Variants in QTMAN observed in about 807,000 individuals in gnomAD.
QTMAN encodes queuosine-tRNA mannosyltransferase, also known as tRNA-queuosine alpha-mannosyltransferase.
chr2:144,120,452 T>C, the QTMAN span, among the ~76,000 whole-genome samples: 2 of 152,210 alleles, frequency 1.3e-5, no homozygotes, highest in African/African-American at 4.8e-5. Flanking sequence ...ATCTAGAGGT[T>C]AATTCCTCAT....
At chr2:144,234,680 A>G in the QTMAN span, among the ~76,000 whole-genome samples, 1 of 152,192 alleles carries the variant, frequency 6.6e-6, no homozygotes, top group East Asian at 1.9e-4. Flanking sequence ...AGAAATAGCA[A>G]GAACTGAAGC....
At chr2:144,148,082 T>C in the QTMAN span, among the ~76,000 whole-genome samples, 3 of 151,714 alleles carry the variant, frequency 2.0e-5, no homozygotes, top group Admixed American at 1.3e-4. Flanking sequence ...ATTAGGACAA[T>C]AGGAAAAATT....
the QTMAN span, among the ~76,000 whole-genome samples, chr2:144,282,475 ATGGGCTTTTTATTATTGATACATG>A: frequency 1.3e-5 from 2 of 151,532 alleles, no homozygotes; most frequent in African/African-American, 4.8e-5. Flanking sequence ...TATCATTTAT[ATGGGCTTTTTATTATTGATACATG>A]CATATTAAAT....
chr2:144,158,687 G>T, the QTMAN span, among the ~76,000 whole-genome samples: 1 of 151,854 alleles, frequency 6.6e-6, no homozygotes, highest in Non-Finnish European at 1.5e-5. Flanking sequence ...CAGAGTCAAT[G>T]AAAAAAGCCT....
At chr2:143,999,860 T>G in the QTMAN span, among the ~76,000 whole-genome samples, 1 of 152,104 alleles carries the variant, frequency 6.6e-6, no homozygotes, top group Non-Finnish European at 1.5e-5. Context: ...TTAACCATGT[T>G]GGGCAGGAAA....
chr2:144,011,182 G>A, the QTMAN span, among the ~76,000 whole-genome samples: 3 of 152,004 alleles, frequency 2.0e-5, no homozygotes, highest in African/African-American at 7.2e-5. Flanking sequence ...CTTTAGTTGG[G>A]GAAAGTTAAA....
At chr2:144,132,599 G>A in the QTMAN span, among the ~76,000 whole-genome samples, 2 of 152,028 alleles carry the variant, frequency 1.3e-5, no homozygotes, top group African/African-American at 4.8e-5. Flanking sequence ...TACTCACATT[G>A]CTAAGTTACA....
At chr2:143,953,084 G>A in the QTMAN span, among the ~76,000 whole-genome samples, 77 of 151,854 alleles carry the variant, frequency 5.1e-4, no homozygotes, top group African/African-American at 1.8e-3. Context: ...TAATCAAAGC[G>A]CAGCTCTGCA....
At chr2:144,190,730 G>A in the QTMAN span, among the ~76,000 whole-genome samples, 1 of 152,168 alleles carries the variant, frequency 6.6e-6, no homozygotes, top group African/African-American at 2.4e-5. Flanking sequence ...TGTAGAAGGA[G>A]TATAGTAAAA....
chr2:144,006,409 T>A, the QTMAN span: 1 of 152,202 alleles, frequency 6.6e-6, no homozygotes, highest in Non-Finnish European at 1.5e-5. Context: ...ATGATCAGCC[T>A]AGCATCTCTG....
the QTMAN span, among the ~76,000 whole-genome samples, chr2:144,317,202 C>A: frequency 6.6e-6 from 1 of 152,134 alleles, no homozygotes; most frequent in African/African-American, 2.4e-5. Context: ...TCTGGAATAG[C>A]CTCACTTTCT....
At chr2:143,968,565 T>C in the QTMAN span, among the ~76,000 whole-genome samples, 2 of 152,158 alleles carry the variant, frequency 1.3e-5, no homozygotes, top group Non-Finnish European at 2.9e-5. Context: ...ACTTAGGCTT[T>C]TGAGTAAAAA....
At chr2:144,258,265 G>GA in the QTMAN span, among the ~76,000 whole-genome samples, 3 of 148,518 alleles carry the variant, frequency 2.0e-5, no homozygotes, top group South Asian at 2.1e-4. Flanking sequence ...AATGAAAGAG[G>GA]AAAAAAAAGG....
the QTMAN span, among the ~76,000 whole-genome samples, chr2:144,170,373 T>C: frequency 6.6e-6 from 1 of 152,132 alleles, no homozygotes; most frequent in Non-Finnish European, 1.5e-5. Flanking sequence ...CAGAACACAG[T>C]AAGCAGCATG....
At chr2:143,952,646 T>G in the QTMAN span, 6 of 728,362 alleles carry the variant, frequency 8.2e-6, no homozygotes, top group Non-Finnish European at 1.5e-5. Flanking sequence ...AAAATTTTCC[T>G]TAACACTAAC....
At chr2:144,150,991 C>T in the QTMAN span, among the ~76,000 whole-genome samples, 1 of 151,816 alleles carries the variant, frequency 6.6e-6, no homozygotes, top group African/African-American at 2.4e-5. Context: ...TGAACGAAGA[C>T]CAAGGAGGTT....
At chr2:144,157,774 AAC>A in the QTMAN span, among the ~76,000 whole-genome samples, 3 of 151,978 alleles carry the variant, frequency 2.0e-5, no homozygotes, top group South Asian at 6.2e-4. Context: ...ATATATGTAT[AAC>A]ACATATATAA....
At chr2:144,291,630 T>TAA in the QTMAN span, among the ~76,000 whole-genome samples, 3 of 152,316 alleles carry the variant, frequency 2.0e-5, no homozygotes, top group South Asian at 6.2e-4. Flanking sequence ...GTCTCTCTTT[T>TAA]AAACCAGCTG....
At chr2:144,004,928 G>A in the QTMAN span, among the ~76,000 whole-genome samples, 4 of 152,028 alleles carry the variant, frequency 2.6e-5, no homozygotes, top group African/African-American at 9.7e-5. Flanking sequence ...AATGCTCGGC[G>A]GCTCAGTGTT....
Sources: allele counts gnomAD v4.1 joint callset (sites outside exome capture counted in the v4.1 genomes callset), GRCh38; gene constraint gnomAD v4.1.1; transcripts MANE v1.5; gene names NCBI Gene and HGNC (gene_info 2026-07-23, HGNC 2026-07-21).